The following SOX5 variants were observed in gnomAD, a reference collection of about 807,000 sequenced individuals.
The protein encoded by SOX5 is transcription factor SOX-5.
A neutral mutation model predicts 92.0 loss-of-function variants in SOX5; 9 were observed. That is an observed-to-expected ratio of 0.10 (90% CI 0.06 to 0.17). SOX5 has a LOEUF of 0.17. Among genes scored for constraint, SOX5 ranks in the 10% least tolerant of loss-of-function variants. The pLI is 1.00. For synonymous variants in SOX5, 344 were observed against 336.3 expected (o/e 1.02, Z -0.25); for missense variants, 642 against 944.5 (o/e 0.68, Z 4.20).
intron 2 of SOX5, among the ~76,000 whole-genome samples, chr12:24,347,422 A>T (rs1953443376): frequency 6.6e-6 from 1 of 152,166 alleles, no homozygotes; most frequent in South Asian, 2.1e-4. Flanking sequence ...AAGCTAATTA[A>T]TATGTGCATT....
intron 6 of SOX5, among the ~76,000 whole-genome samples, chr12:23,668,693 A>C (rs2084256460): frequency 6.6e-6 from 1 of 152,190 alleles, no homozygotes; most frequent in African/African-American, 2.4e-5. Flanking sequence ...TCAACAAAAT[A>C]CTTCTGTCAT....
intron 4 of SOX5, among the ~76,000 whole-genome samples, chr12:24,139,621 T>G (rs1300752068): frequency 6.6e-6 from 1 of 152,242 alleles, no homozygotes; most frequent in African/African-American, 2.4e-5. Context: ...AACGGACCGC[T>G]TCAATCTTGC....
At chr12:24,343,082 G>C (rs1324099825) in intron 2 of SOX5, among the ~76,000 whole-genome samples, 1 of 152,212 alleles carries the variant, frequency 6.6e-6, no homozygotes, top group Non-Finnish European at 1.5e-5. Context: ...TTCACAAAGA[G>C]AATGTAGGGA....
At chr12:24,477,491 A>G (rs1159890656) in intron 1 of SOX5, among the ~76,000 whole-genome samples, 1 of 152,138 alleles carries the variant, frequency 6.6e-6, no homozygotes, top group Non-Finnish European at 1.5e-5. Flanking sequence ...TGACTCATAT[A>G]CAATCACAAA....
chr12:24,116,641 A>C (rs1442516037), intron 4 of SOX5, among the ~76,000 whole-genome samples: 1 of 152,138 alleles, frequency 6.6e-6, no homozygotes, highest in Non-Finnish European at 1.5e-5. Context: ...CTAAGCACAC[A>C]GTCCTTCTGA....
intron 2 of SOX5, among the ~76,000 whole-genome samples, chr12:24,296,718 A>G (rs751278506): frequency 7.9e-5 from 12 of 151,910 alleles, no homozygotes; most frequent in Non-Finnish European, 1.5e-4. Context: ...TCACTCTCCT[A>G]CGCAGCCAAT....
chr12:24,137,817 A>G, intron 4 of SOX5, among the ~76,000 whole-genome samples: 1 of 152,250 alleles, frequency 6.6e-6, no homozygotes, highest in Non-Finnish European at 1.5e-5. Flanking sequence ...AGAATCAGTA[A>G]AAAGACACGT....
chr12:24,175,910 C>T lies in SOX5; in HGVS notation c.-2+37433G>A, dbSNP rs767629257. Reference sequence around the variant, plus strand: ...AGGGGCCTCTCTTACAAAAGGGACCCGAACAGCCAACTGGGCAATGACTCC... The same window carrying T: ...AGGGGCCTCTCTTACAAAAGGGACCTGAACAGCCAACTGGGCAATGACTCC... On this transcript the variant is annotated intron_variant, in intron 4 of 4. Coordinates refer to the SOX5 transcript ENST00000446891. 1.1e-4 allele frequency among the ~76,000 whole-genome samples: 17 copies of T among 151,846 alleles called. 1 individual carries two copies. Among genetic ancestry groups the T allele is most frequent in the South Asian group, 4.2e-4 (2 of 4,802 alleles).
intron 9 of SOX5, among the ~76,000 whole-genome samples, chr12:23,581,897 T>A (rs192290049): frequency 0.015 from 2,162 of 145,276 alleles, 40 homozygotes; most frequent in African/African-American, 0.051. Flanking sequence ...TGAAAAAATA[T>A]ATATATATAT....
chr12:23,950,014 T>A (rs1277825272), upstream of SOX5, among the ~76,000 whole-genome samples: 2 of 151,572 alleles, frequency 1.3e-5, no homozygotes, highest in Non-Finnish European at 2.9e-5. Flanking sequence ...TTAACACGTC[T>A]CCCATACTCT....
At chr12:23,598,992 A>G (rs1292072399) in intron 9 of SOX5, among the ~76,000 whole-genome samples, 3 of 152,216 alleles carry the variant, frequency 2.0e-5, no homozygotes, top group Non-Finnish European at 4.4e-5. Flanking sequence ...TGTACCACAA[A>G]TTGTGACTCA....
intron 1 of SOX5, among the ~76,000 whole-genome samples, chr12:24,560,304 G>C (rs1382878131): frequency 1.3e-5 from 2 of 152,176 alleles, no homozygotes; most frequent in Non-Finnish European, 1.5e-5. Context: ...TGTGATGAAA[G>C]ATCTACCTTT....
chr12:23,659,313 T>C (rs1023585115), intron 7 of SOX5, among the ~76,000 whole-genome samples: 2 of 152,214 alleles, frequency 1.3e-5, no homozygotes, highest in Non-Finnish European at 2.9e-5. Flanking sequence ...TAAACATTAA[T>C]TTTATTGCGG....
intron 3 of SOX5, among the ~76,000 whole-genome samples, chr12:24,269,910 C>A (rs936952366): frequency 2.1e-5 from 3 of 142,240 alleles, no homozygotes; most frequent in African/African-American, 7.9e-5. Context: ...TCTCAAAACT[C>A]CTGAGCTCAA....
intron 6 of SOX5, among the ~76,000 whole-genome samples, chr12:23,714,888 A>C (rs2140432310): frequency 1.3e-5 from 2 of 152,316 alleles, no homozygotes; most frequent in Middle Eastern, 3.4e-3. Context: ...ATTTCTATGC[A>C]TATAGTAAGG....
At chr12:23,645,848 G>T (rs2080770658) in intron 7 of SOX5, among the ~76,000 whole-genome samples, 1 of 152,004 alleles carries the variant, frequency 6.6e-6, no homozygotes. Context: ...GGAATACCTT[G>T]GAGATATTGT....
At chr12:24,342,788 A>G (rs544469) in intron 2 of SOX5, among the ~76,000 whole-genome samples, 131,947 of 152,204 alleles carry the variant, frequency 0.87, 57,414 homozygotes, top group East Asian at 0.98. Flanking sequence ...ATCTGATTAT[A>G]CCATTCATGA....
At chr12:23,998,203 G>A (rs1379579143) in intron 4 of SOX5, among the ~76,000 whole-genome samples, 6 of 152,040 alleles carry the variant, frequency 3.9e-5, no homozygotes, top group Non-Finnish European at 5.9e-5. Flanking sequence ...GACAGAAAAT[G>A]TGATGGCAAT....
chr12:24,325,520 G>C (rs1950595410), intron 2 of SOX5, among the ~76,000 whole-genome samples: 1 of 152,106 alleles, frequency 6.6e-6, no homozygotes, highest in Admixed American at 6.5e-5. Context: ...AAAAGGACGG[G>C]ACAACTGCCA....
Sources: allele counts gnomAD v4.1 joint callset (sites outside exome capture counted in the v4.1 genomes callset), GRCh38; gene constraint gnomAD v4.1.1; transcripts MANE v1.5; gene names NCBI Gene and HGNC (gene_info 2026-07-23, HGNC 2026-07-21).